The following DCDC1 variants were observed in gnomAD, a reference collection of about 807,000 sequenced individuals.
DCDC1 encodes doublecortin domain containing 1.
In DCDC1, 200 loss-of-function variants were observed where a neutral mutation model predicts 178.3. The observed-to-expected ratio is 1.12, with a 90% CI of 1.00 to 1.26. DCDC1 has a LOEUF of 1.26. Ranked by LOEUF, DCDC1 falls within the 50% of genes most tolerant of loss-of-function variation. The pLI is 0.00. For synonymous variants in DCDC1, 690 were observed against 604.8 expected (o/e 1.14, Z -2.07); for missense variants, 1,983 against 1,749.2 (o/e 1.13, Z -2.38).
intron 8 of DCDC1, among the ~76,000 whole-genome samples, chr11:31,244,481 A>G (rs1977588676): frequency 6.6e-6 from 1 of 151,704 alleles, no homozygotes; most frequent in South Asian, 2.1e-4. Context: ...TCAAACTACT[A>G]TGTAGAAATA....
intron 8 of DCDC1, among the ~76,000 whole-genome samples, chr11:31,251,070 T>G (rs1197087423): frequency 6.6e-6 from 1 of 152,146 alleles, no homozygotes; most frequent in African/African-American, 2.4e-5. Context: ...TTTTATACTA[T>G]TTTACAATAT....
intron 20 of DCDC1, among the ~76,000 whole-genome samples, chr11:31,014,892 C>T (rs896533432): frequency 1.3e-5 from 2 of 151,868 alleles, no homozygotes; most frequent in South Asian, 2.1e-4. Context: ...TAGTGCTCTA[C>T]TGTGATTTAA....
intron 20 of DCDC1, among the ~76,000 whole-genome samples, chr11:31,055,996 T>C (rs1955562127): frequency 6.6e-6 from 1 of 152,130 alleles, no homozygotes; most frequent in Non-Finnish European, 1.5e-5. Flanking sequence ...TAATAAATTA[T>C]GGAAATATTT....
chr11:31,350,933 T>C (rs1951041241), intron 1 of DCDC1, among the ~76,000 whole-genome samples: 1 of 132,530 alleles, frequency 7.5e-6, no homozygotes, highest in Non-Finnish European at 1.6e-5. Context: ...GCAAATACAT[T>C]TTTTAATTTA....
At chr11:31,198,056 C>T (rs1970886446) in intron 9 of DCDC1, among the ~76,000 whole-genome samples, 1 of 151,978 alleles carries the variant, frequency 6.6e-6, no homozygotes, top group South Asian at 2.1e-4. Context: ...GAGTTGTGAT[C>T]CTTTTTGTCA....
chr11:31,270,984 A>G (rs1945508915), intron 7 of DCDC1, among the ~76,000 whole-genome samples: 2 of 152,138 alleles, frequency 1.3e-5, no homozygotes, highest in East Asian at 3.9e-4. Flanking sequence ...CAACTTCCAT[A>G]GTCCCTCAGT....
intron 9 of DCDC1, among the ~76,000 whole-genome samples, chr11:31,182,409 T>C (rs1276380507): frequency 1.3e-5 from 2 of 152,098 alleles, no homozygotes; most frequent in Non-Finnish European, 2.9e-5. Context: ...GCAGAAGAGA[T>C]TGGGGGCAAA....
intron 6 of DCDC1, among the ~76,000 whole-genome samples, chr11:31,305,279 T>C (rs550574719): frequency 6.6e-6 from 1 of 152,210 alleles, no homozygotes; most frequent in Non-Finnish European, 1.5e-5. Context: ...ATAAGTCTAA[T>C]GAATTATGTC....
chr11:31,313,794 G>C (rs1430582211), intron 3 of DCDC1, among the ~76,000 whole-genome samples: 3 of 152,014 alleles, frequency 2.0e-5, no homozygotes, highest in African/African-American at 7.2e-5. Context: ...ATGGTCTTTT[G>C]TCCAAAGACA....
At chr11:30,888,064 G>GAAAGAAAGAA (rs1565029139) in intron 36 of DCDC1, among the ~76,000 whole-genome samples, 4 of 74,316 alleles carry the variant, frequency 5.4e-5, no homozygotes, top group African/African-American at 2.3e-4. Flanking sequence ...GAAAGAAAGA[G>GAAAGAAAGAA]AGAGAGAGAG....
At chr11:30,954,926 A>G (rs770288173) in intron 20 of DCDC1, among the ~76,000 whole-genome samples, 6 of 152,222 alleles carry the variant, frequency 3.9e-5, no homozygotes, top group Non-Finnish European at 8.8e-5. Context: ...ATACAAGACA[A>G]CAAATACCCA....
chr11:30,904,557 T>A (rs1944926767), intron 31 of DCDC1: 1 of 192,346 alleles, frequency 5.2e-6, no homozygotes, highest in South Asian at 1.1e-4. Context: ...TATCAACACA[T>A]AAATGCCCAG....
chr11:31,250,718 T>C (rs562014135), intron 8 of DCDC1, among the ~76,000 whole-genome samples: 14 of 151,410 alleles, frequency 9.2e-5, no homozygotes, highest in African/African-American at 3.1e-4. Flanking sequence ...CCCTCTCTCA[T>C]TGCCTGAATT....
rs1485987033 is a variant in DCDC1, at chr11:30,900,394, G to A, written c.4615C>T (p.Pro1539Ser). 1 of 1,578,004 alleles carries A rather than the reference G, an allele frequency of 6.3e-7. No individual in the cohort carries two copies. The highest frequency in any genetic ancestry group is 1.4e-5 in the African/African-American group (1 of 73,990). Residue 1539 changes from proline (P) to serine (S), a missense_variant, in exon 33 of 39, where the codon CCT (proline) becomes TCT (serine). Coordinates refer to ENST00000684477, the MANE Select transcript of DCDC1 (RefSeq NM_001387274.1). ...KSLLTLILRN[P>S]IAIWVSCGEP... ...CCACAAGACACCCAGATGGCAATAG[G>A]ATTTCTGAGGATGAGGGTAAGCAAA...
chr11:31,297,736 GGGCT>G (rs1185313300), intron 6 of DCDC1, among the ~76,000 whole-genome samples: 6 of 152,048 alleles, frequency 3.9e-5, no homozygotes, highest in Admixed American at 1.3e-4. Context: ...TCAACTCCTA[GGGCT>G]GAGGCTATCT....
At chr11:31,275,739 G>A (rs564691113) in intron 7 of DCDC1, among the ~76,000 whole-genome samples, 1 of 152,188 alleles carries the variant, frequency 6.6e-6, no homozygotes, top group East Asian at 1.9e-4. Flanking sequence ...CTTGACCTCA[G>A]GTGTTCCGCC....
intron 20 of DCDC1, among the ~76,000 whole-genome samples, chr11:31,009,438 TTGTGTGTGTGTG>T (rs139389381): frequency 4.2e-5 from 6 of 144,424 alleles, no homozygotes; most frequent in Middle Eastern, 3.3e-3. Context: ...CACAGTTTCT[TTGTGTGTGTGTG>T]TGTGTGTGTG....
At chr11:31,232,320 T>C (rs1226145534) in intron 9 of DCDC1, among the ~76,000 whole-genome samples, 3 of 152,166 alleles carry the variant, frequency 2.0e-5, no homozygotes, top group Admixed American at 6.5e-5. Flanking sequence ...TCATCTAAAA[T>C]ATACTTAACA....
intron 8 of DCDC1, among the ~76,000 whole-genome samples, chr11:31,242,858 C>T (rs1282658794): frequency 6.6e-6 from 1 of 151,800 alleles, no homozygotes; most frequent in Admixed American, 6.6e-5. Context: ...CAACTCTCTA[C>T]CAAAGCATAA....
Sources: allele counts gnomAD v4.1 joint callset (sites outside exome capture counted in the v4.1 genomes callset), GRCh38; gene constraint gnomAD v4.1.1; transcripts MANE v1.5; gene names NCBI Gene and HGNC (gene_info 2026-07-23, HGNC 2026-07-21).